Variants in DDX50 observed in about 807,000 individuals in gnomAD.
The protein encoded by DDX50 is DExD-box helicase 50, also known as ATP-dependent RNA helicase DDX50.
A neutral mutation model predicts 94.8 loss-of-function variants in DDX50; 56 were observed. That is an observed-to-expected ratio of 0.59 (90% confidence interval 0.48 to 0.74). DDX50 has a LOEUF of 0.74. DDX50 is among the 30% of genes least tolerant of loss of function. The pLI, the probability that DDX50 is intolerant of heterozygous loss-of-function variation, is 0.00. For missense variants in DDX50, 713 were observed against 881.2 expected (o/e 0.81, Z 2.42); for synonymous variants, 264 against 295.4 (o/e 0.89, Z 1.09).
chr10:68,937,198 T>G (rs1365778377), intron 12 of DDX50, 103 bp downstream of exon 12: 3 of 1,270,232 alleles, frequency 2.4e-6, no homozygotes, highest in Non-Finnish European at 3.1e-6. Context: ...AAAAAAACTG[T>G]TTTGCTCTAT....
intron 2 of DDX50, among the ~76,000 whole-genome samples, chr10:68,909,572 T>G (rs1841564773): frequency 6.6e-6 from 1 of 152,236 alleles, no homozygotes; most frequent in African/African-American, 2.4e-5. Flanking sequence ...CTGTATGATT[T>G]AGATGAATAA....
intron 14 of DDX50, 83 bp from the exon 15 acceptor site, chr10:68,946,269 A>G: frequency 6.8e-7 from 1 of 1,469,700 alleles, no homozygotes; most frequent in Non-Finnish European, 9.1e-7. Context: ...AATAGATATG[A>G]AAAAGGTGTC....
At chr10:68,920,779 C>T (rs1216948766) in intron 8 of DDX50, among the ~76,000 whole-genome samples, 1 of 151,576 alleles carries the variant, frequency 6.6e-6, no homozygotes, top group African/African-American at 2.4e-5. Flanking sequence ...AACCCCATCT[C>T]TACTAAAAAT....
chr10:68,929,251 C>CCCTTCCTTCCTTCCTTCCTTCCTT (rs748750747), intron 8 of DDX50, among the ~76,000 whole-genome samples: 5 of 118,000 alleles, frequency 4.2e-5, no homozygotes, highest in East Asian at 3.1e-4. Flanking sequence ...CCAGCCTGGT[C>CCCTTCCTTCCTTCCTTCCTTCCTT]CCTTCCTTCC....
chr10:68,946,287 A>G lies in DDX50; in HGVS notation c.1936-65A>G, dbSNP rs1174864193. 2.0e-6 allele frequency: 3 copies of G among 1,520,972 alleles called. No individual in the cohort carries two copies. The Admixed American group carries it at 6.3e-5, about 32-fold the overall frequency. 94.2% of individuals were successfully genotyped at this position (1,520,972 alleles called of 1,614,324 possible). Reference sequence around the variant, plus strand: ...AGATATGAAAAAGGTGTCTTCTTGTACTTAACATGTTTGCTTATGGTTTCT... The same window carrying G: ...AGATATGAAAAAGGTGTCTTCTTGTGCTTAACATGTTTGCTTATGGTTTCT... On this transcript the variant is annotated intron_variant, in intron 14 of 14. Coordinates refer to ENST00000373585, the MANE Select transcript of DDX50 (RefSeq NM_024045.2).
chr10:68,907,037 A>G (rs201730941), intron 2 of DDX50, 30 bp downstream of exon 2: 2 of 1,555,280 alleles, frequency 1.3e-6, no homozygotes, highest in Non-Finnish European at 1.7e-6. Context: ...TGCATTTGAC[A>G]TTGTTGTTGA....
intron 13 of DDX50, 85 bp downstream of exon 13, chr10:68,941,279 T>C (rs940498705): frequency 5.9e-6 from 9 of 1,524,290 alleles, no homozygotes; most frequent in Admixed American, 2.1e-5. Context: ...TCTTTCTCTT[T>C]GAAGCCTAAT....
At chr10:68,913,915 A>G (rs1407312499) in intron 6 of DDX50, 144 bp from the exon 7 acceptor site, 2 of 807,918 alleles carry the variant, frequency 2.5e-6, no homozygotes, top group African/African-American at 1.8e-5. Flanking sequence ...GAAAGTTTTA[A>G]TAATTGCAAT....
intron 12 of DDX50, among the ~76,000 whole-genome samples, chr10:68,937,398 TA>T (rs5785882): frequency 0.76 from 115,294 of 151,164 alleles, 45,411 homozygotes; most frequent in East Asian, 0.97. Context: ...AATTTGTAAT[TA>T]AAAAAAAAAT....
chr10:68,909,105 C>T (rs1841553110), intron 2 of DDX50, among the ~76,000 whole-genome samples: 1 of 152,176 alleles, frequency 6.6e-6, no homozygotes, highest in Admixed American at 6.5e-5. Context: ...GAATTACAGG[C>T]ATGAGCCACC....
At chr10:68,907,151 A>G in intron 2 of DDX50, 144 bp downstream of exon 2, 1 of 798,552 alleles carries the variant, frequency 1.3e-6, no homozygotes, top group Admixed American at 3.3e-5. Context: ...TGTACAGGTG[A>G]AGCCTGAGCC....
intron 1 of DDX50, among the ~76,000 whole-genome samples, chr10:68,903,227 T>G (rs1841340489): frequency 6.6e-6 from 1 of 151,748 alleles, no homozygotes; most frequent in Admixed American, 6.6e-5. Context: ...AGAGACCCTG[T>G]CTCTACAAAA....
Position 68,911,013 on chromosome 10 carries a change from AT to A in DDX50, c.461-49del, listed in dbSNP as rs946155368. On this transcript the variant is annotated intron_variant, in intron 3 of 14. Coordinates refer to ENST00000373585, the MANE Select transcript of DDX50 (RefSeq NM_024045.2). ...ATGATTGTCATTTTCAAATGAATAT[AT>A]TTTTTCCTAATGCTAGTCGTAAAGA... 3.1e-6 allele frequency: 4 copies of A among 1,273,370 alleles called. No homozygotes were observed. The Admixed American group carries it at 1.1e-4, about 35-fold the overall frequency. 78.9% of individuals were successfully genotyped at this position (1,273,370 alleles called of 1,614,324 possible).
intron 8 of DDX50, among the ~76,000 whole-genome samples, chr10:68,927,763 C>A (rs770965004): frequency 1.3e-5 from 2 of 152,140 alleles, no homozygotes; most frequent in Admixed American, 1.3e-4. Context: ...CTAGCGTGGG[C>A]ATTTCATTTA....
Position 68,913,145 on chromosome 10 carries a change from T to C in DDX50, c.640-17T>C. The C allele has an allele frequency of 6.3e-7, 1 of 1,575,790 alleles. No individual in the cohort carries two copies. Reference sequence around the variant, plus strand: ...CTTTAGAAAAGTATCTTTTTGTTTTTTAAACCTCTTGCTCAGGTACTTGTT... The same window carrying C: ...CTTTAGAAAAGTATCTTTTTGTTTTCTAAACCTCTTGCTCAGGTACTTGTT... On this transcript the variant is annotated splice_polypyrimidine_tract_variant and intron_variant, in intron 4 of 14. Coordinates refer to ENST00000373585, the MANE Select transcript of DDX50 (RefSeq NM_024045.2).
At position 68,934,906 on chromosome 10, in the gene DDX50, G is replaced by A; in HGVS notation, c.1509G>A (p.Val503=). Residue 503 remains valine, a synonymous_variant, in exon 10 of 15, where the codon GTG becomes GTA. Transcript: ENST00000373585. This position sits in a 1 kb window ranked among gnomAD's most constrained non-coding sequence, Gnocchi z 4.0. The part of the protein sequence containing the change: ...QPRERGQLRY[V]EQKAGITFKR... The stretch of plus-strand genomic sequence containing the variant: ...GAGAAAGAGGTCAACTAAGATATGT[G>A]GAACAAAAAGCAGTAAGTAGAGTTA... 2 of 1,611,006 alleles carry A rather than the reference G, an allele frequency of 1.2e-6. No homozygotes were observed. The highest frequency in any genetic ancestry group is 1.7e-5 in the Admixed American group (1 of 59,404).
chr10:68,943,097 C>T (rs955413), intron 13 of DDX50, 116 bp from the exon 14 acceptor site: 61,163 of 889,258 alleles, frequency 0.069, 2,375 homozygotes, highest in Middle Eastern at 0.11. Flanking sequence ...TGTTTAGTTA[C>T]TTTTTAAATT....
intron 12 of DDX50, among the ~76,000 whole-genome samples, chr10:68,937,700 C>T (rs1248337940): frequency 1.3e-5 from 2 of 149,158 alleles, no homozygotes; most frequent in Non-Finnish European, 3.0e-5. Flanking sequence ...ATTCTCCTGT[C>T]TCACCCTCCT....
At chr10:68,918,669 C>T (rs533912946) in intron 7 of DDX50, among the ~76,000 whole-genome samples, 3 of 151,956 alleles carry the variant, frequency 2.0e-5, no homozygotes, top group East Asian at 1.9e-4. Flanking sequence ...TCAGGTGATC[C>T]GCTGGCCTTG....
Sources: allele counts gnomAD v4.1 joint callset (sites outside exome capture counted in the v4.1 genomes callset), GRCh38; gene constraint gnomAD v4.1.1; non-coding constraint Gnocchi (gnomAD v3.1); transcripts MANE v1.5; gene names NCBI Gene and HGNC (gene_info 2026-07-23, HGNC 2026-07-21).